The following FAR2 variants were observed in gnomAD, a reference collection of about 807,000 sequenced individuals.
The protein encoded by FAR2 is epididymis secretory protein Li 81.
Under a neutral mutation model 56.0 loss-of-function variants are expected in FAR2, and 19 were observed. The ratio of observed to expected loss-of-function variants is 0.34; its 90% confidence interval spans 0.24 to 0.50. The LOEUF is 0.50. FAR2 is among the 20% of genes least tolerant of loss of function. The probability of loss-of-function intolerance (pLI) is 0.98; values close to 1 mark genes in which losing one functional copy is unlikely to be tolerated. For synonymous variants in FAR2, 219 were observed against 218.8 expected (o/e 1.00, Z -0.01); for missense variants, 508 against 642.2 (o/e 0.79, Z 2.26).
At chr12:29,168,282 G>A (rs991373878) in intron 1 of FAR2, among the ~76,000 whole-genome samples, 16 of 152,194 alleles carry the variant, frequency 1.1e-4, no homozygotes, top group African/African-American at 3.4e-4. Flanking sequence ...TTATGATACT[G>A]TGAGGGTACG....
chr12:29,237,218 G>A (rs1016504793), intron 1 of FAR2, among the ~76,000 whole-genome samples: 1 of 152,102 alleles, frequency 6.6e-6, no homozygotes, highest in Non-Finnish European at 1.5e-5. Context: ...CTTGAAGTGT[G>A]GTCCGCGGAC....
At chr12:29,159,796 G>A (rs2136576615) in intron 1 of FAR2, among the ~76,000 whole-genome samples, 1 of 152,236 alleles carries the variant, frequency 6.6e-6, no homozygotes, top group South Asian at 2.1e-4. Context: ...GGTGTTTTAA[G>A]TACTTAAGTG....
intron 1 of FAR2, among the ~76,000 whole-genome samples, chr12:29,230,596 A>G (rs1175829223): frequency 6.6e-6 from 1 of 152,088 alleles, no homozygotes; most frequent in East Asian, 1.9e-4. Flanking sequence ...GAGGGCAGCA[A>G]GAAACACTTA....
At chr12:29,181,425 C>G (rs752452164) in intron 1 of FAR2, among the ~76,000 whole-genome samples, 1 of 152,162 alleles carries the variant, frequency 6.6e-6, no homozygotes, top group Non-Finnish European at 1.5e-5. Flanking sequence ...GCTCAAATCT[C>G]TAACTTATAA....
intron 1 of FAR2, among the ~76,000 whole-genome samples, chr12:29,191,205 A>C (rs1845819): frequency 0.8 from 122,125 of 152,158 alleles, 49,527 homozygotes; most frequent in East Asian, 0.91. Flanking sequence ...AATAGAAAAC[A>C]AAGTCTCAGA....
At chr12:29,229,719 A>G (rs1947824805) in intron 1 of FAR2, among the ~76,000 whole-genome samples, 1 of 152,232 alleles carries the variant, frequency 6.6e-6, no homozygotes, top group African/African-American at 2.4e-5. Flanking sequence ...TAAGAGAATA[A>G]TCATAATCAA....
At chr12:29,289,864 T>C (rs1948936621) in intron 2 of FAR2, among the ~76,000 whole-genome samples, 1 of 152,106 alleles carries the variant, frequency 6.6e-6, no homozygotes, top group African/African-American at 2.4e-5. Context: ...AATAATCCGA[T>C]CAAAAAATGA....
chr12:29,184,811 C>G (rs575823600), intron 1 of FAR2, among the ~76,000 whole-genome samples: 1 of 152,102 alleles, frequency 6.6e-6, no homozygotes, highest in East Asian at 1.9e-4. Flanking sequence ...TCACCCCAAC[C>G]CTCAAAATTT....
intron 1 of FAR2, among the ~76,000 whole-genome samples, chr12:29,242,487 C>T (rs1289112897): frequency 6.6e-6 from 1 of 152,228 alleles, no homozygotes; most frequent in Non-Finnish European, 1.5e-5. Context: ...TCCTGTGACA[C>T]AGTGACAGTA....
chr12:29,237,931 A>G (rs924648351), intron 1 of FAR2, among the ~76,000 whole-genome samples: 1 of 152,198 alleles, frequency 6.6e-6, no homozygotes, highest in African/African-American at 2.4e-5. Context: ...GAAGAGCTGC[A>G]TAACTCAGGG....
At position 29,316,876 on chromosome 12, in the gene FAR2, T is replaced by C. The variant is rs751659687; in HGVS notation, c.991T>C (p.Phe331Leu). Reference protein sequence around the residue: ...QVLATFEKIPFERPFRRPNAN... With the variant: ...QVLATFEKIPLERPFRRPNAN... The stretch of plus-strand genomic sequence containing the variant: ...CTTGGCAACCTTTGAAAAAATCCCA[T>C]TTGAGAGACCTTTCAGGAGGCCAAA... The change falls in exon 9 of 12, where the codon TTT (phenylalanine) becomes CTT (leucine). Residue 331 changes from phenylalanine (F) to leucine (L), a missense_variant. Phe to Leu is a conservative substitution (Grantham distance 22, BLOSUM62 0). Transcript: ENST00000536681. 5 of 1,614,124 alleles carry C rather than the reference T, an allele frequency of 3.1e-6. No homozygotes were observed. In the Admixed American group the frequency reaches 8.3e-5, roughly 27 times the overall value.
intron 3 of FAR2, among the ~76,000 whole-genome samples, chr12:29,296,074 C>T (rs1473093299): frequency 6.6e-6 from 1 of 152,200 alleles, no homozygotes; most frequent in African/African-American, 2.4e-5. Flanking sequence ...GGCCTTTTAA[C>T]GTAATTTTTA....
intron 1 of FAR2, among the ~76,000 whole-genome samples, chr12:29,194,875 T>C (rs1169390377): frequency 1.3e-5 from 2 of 152,176 alleles, no homozygotes; most frequent in Non-Finnish European, 2.9e-5. Flanking sequence ...AGTCAGACTC[T>C]ATTGCACAGG....
intron 1 of FAR2, among the ~76,000 whole-genome samples, chr12:29,208,261 T>C (rs143899887): frequency 3.3e-5 from 5 of 152,282 alleles, no homozygotes; most frequent in African/African-American, 4.8e-5. Flanking sequence ...TTAAAGACCA[T>C]GGGCACTGCT....
Position 29,311,013 on chromosome 12 carries a change from C to A in FAR2, c.769-15C>A. The A allele has an allele frequency of 6.3e-7, 1 of 1,589,100 alleles. No individual in the cohort carries two copies. The highest frequency in any genetic ancestry group is 8.6e-7 in the Non-Finnish European group (1 of 1,157,570). On this transcript the variant is annotated splice_polypyrimidine_tract_variant and intron_variant, in intron 6 of 11. Coordinates refer to ENST00000536681, the MANE Select transcript of FAR2 (RefSeq NM_001271783.2). ...AAGACCTGGTTTAATATTTTATGTT[C>A]TTTTTCCTATGCAGACTGGGAAAGG...
rs541197255 is a variant in FAR2 at position 29,333,782 on chromosome 12, G to A, written c.1536G>A (p.Thr512=). Residue 512 remains threonine, a synonymous_variant, in exon 12 of 12, where the codon ACG becomes ACA. Coordinates refer to ENST00000536681, the MANE Select transcript of FAR2 (RefSeq NM_001271783.2). ...TCTCCTACTTTAGAGCATCCAGCACGCTCAAAGTTTAAGAGCATTTAGCCA... is the reference window on the plus strand; with the variant it reads ...TCTCCTACTTTAGAGCATCCAGCACACTCAAAGTTTAAGAGCATTTAGCCA... ...KFLSYFRASS[T]LKV The A allele has an allele frequency of 4.0e-5, 64 of 1,613,158 alleles. No individual in the cohort carries two copies. Among genetic ancestry groups the A allele is most frequent in the Middle Eastern group, 3.3e-4 (2 of 6,060 alleles).
intron 1 of FAR2, among the ~76,000 whole-genome samples, chr12:29,269,989 C>T (rs1459026910): frequency 6.6e-6 from 1 of 152,224 alleles, no homozygotes; most frequent in Admixed American, 6.5e-5. Flanking sequence ...GCCTGGGACA[C>T]CATGACCCCA....
At chr12:29,213,884 G>A (rs1947588316) in intron 1 of FAR2, among the ~76,000 whole-genome samples, 1 of 151,940 alleles carries the variant, frequency 6.6e-6, no homozygotes, top group East Asian at 1.9e-4. Context: ...CCCCAAGATG[G>A]CAAACTTTGT....
intron 1 of FAR2, among the ~76,000 whole-genome samples, chr12:29,168,725 G>A (rs1591827488): frequency 2.0e-5 from 3 of 152,196 alleles, no homozygotes; most frequent in Admixed American, 6.5e-5. Context: ...TTCGTGATGA[G>A]TGTCACAGCT....
Sources: allele counts gnomAD v4.1 joint callset (sites outside exome capture counted in the v4.1 genomes callset), GRCh38; gene constraint gnomAD v4.1.1; transcripts MANE v1.5; gene names NCBI Gene and HGNC (gene_info 2026-07-23, HGNC 2026-07-21).